Variants in MPDZ observed in about 807,000 individuals in gnomAD.
MPDZ encodes multiple PDZ domain protein.
A neutral mutation model predicts 239.1 loss-of-function variants in MPDZ; 234 were observed. That is an observed-to-expected ratio of 0.98 (90% CI 0.88 to 1.09). The LOEUF (loss-of-function observed/expected upper bound fraction) is 1.09, where lower values mean the gene tolerates loss of function less well. Among genes scored for constraint, MPDZ ranks in the 50% least tolerant of loss-of-function variants. MPDZ has a pLI of 0.00. For missense variants in MPDZ, 3,175 were observed against 2,510.0 expected (o/e 1.26, Z -5.66); for synonymous variants, 1,048 against 881.3 (o/e 1.19, Z -3.35).
intron 39 of MPDZ, among the ~76,000 whole-genome samples, chr9:13,115,717 G>C (rs1157305469): frequency 6.6e-6 from 1 of 151,974 alleles, no homozygotes; most frequent in Non-Finnish European, 1.5e-5. Flanking sequence ...AGGCCGAGGC[G>C]GGTGGATCAC....
chr9:13,122,271 A>C (rs1284670145), intron 36 of MPDZ, 101 bp from the exon 37 acceptor site: 19 of 1,036,146 alleles, frequency 1.8e-5, no homozygotes, highest in African/African-American at 3.2e-5. Context: ...GACAGCAATA[A>C]GGGTTATAAA....
At chr9:13,211,436 G>A (rs913925389) in intron 10 of MPDZ, among the ~76,000 whole-genome samples, 3 of 151,972 alleles carry the variant, frequency 2.0e-5, no homozygotes, top group East Asian at 1.9e-4. Context: ...TAGAAAGTCC[G>A]CTAAAACATT....
rs755680310 is a variant in MPDZ at position 13,247,712 on chromosome 9, G to A, written c.106C>T (p.Leu36=). 3.1e-6 allele frequency: 5 copies of A among 1,613,536 alleles called. No individual in the cohort carries two copies. In the African/African-American group the frequency reaches 5.3e-5, roughly 17 times the overall value. Residue 36 remains leucine, a synonymous_variant, in exon 3 of 47, where the codon CTG becomes TTG. Coordinates refer to ENST00000319217, the MANE Select transcript of MPDZ (RefSeq NM_001378778.1). ...AGAGGGCTCTGCAGGACTGACTTCAGAAGGCTCAGTTTGTCTTCATTTGCT... is the reference window on the plus strand; with the variant it reads ...AGAGGGCTCTGCAGGACTGACTTCAAAAGGCTCAGTTTGTCTTCATTTGCT... ...DVANEDKLSL[L]KSVLQSPLFS...
At chr9:13,134,375 T>A (rs1946439278) in intron 31 of MPDZ, 1 of 152,214 alleles carries the variant, frequency 6.6e-6, no homozygotes, top group Non-Finnish European at 1.5e-5. Flanking sequence ...ACATATTTAG[T>A]ACAACTAATA....
At chr9:13,254,601 G>C (rs1259361880) in intron 1 of MPDZ, among the ~76,000 whole-genome samples, 3 of 152,158 alleles carry the variant, frequency 2.0e-5, no homozygotes, top group Non-Finnish European at 4.4e-5. Context: ...AAGCATATCT[G>C]AGATATTGCA....
At position 13,113,257 on chromosome 9, in the gene MPDZ, C is replaced by T. The variant is rs956483620; in HGVS notation, c.5558-203G>A. 9.2e-5 allele frequency among the ~76,000 whole-genome samples: 14 copies of T among 152,058 alleles called. No homozygotes were observed. In the South Asian group the frequency reaches 2.7e-3, roughly 29 times the overall value. On this transcript the variant is annotated intron_variant, in intron 41 of 46. Transcript: ENST00000319217. ...CCAGTTGGAAAAACGTGTATACCATCCCATTCTTCCTTCTCATTTTAAGTG... is the reference window on the plus strand; with the variant it reads ...CCAGTTGGAAAAACGTGTATACCATTCCATTCTTCCTTCTCATTTTAAGTG...
At position 13,262,254 on chromosome 9, in the gene MPDZ, G is replaced by A. The variant is rs544482326; in HGVS notation, c.-57-11882C>T. ...AAGACTGGTGGATCGCTTGAGCCCA[G>A]TAGTTTGAGACCACCCTGGGCAACA... On this transcript the variant is annotated intron_variant, in intron 1 of 46. Transcript: ENST00000319217. Among the ~76,000 whole-genome samples, 108 of 151,938 alleles carry A rather than the reference G, an allele frequency of 7.1e-4. 1 individual carries two copies. The highest frequency in any genetic ancestry group is 1.0e-3 in the South Asian group (5 of 4,810).
rs770655100 is a variant in MPDZ, at chr9:13,136,047, C to G, written c.4383+45G>C. On this transcript the variant is annotated intron_variant, in intron 31 of 46. Coordinates refer to ENST00000319217, the MANE Select transcript of MPDZ (RefSeq NM_001378778.1). The stretch of plus-strand genomic sequence containing the variant: ...TTGTTGATTGAATTAATAAGGCTCA[C>G]ATCAATCAAGTCTTCCCAGAGAAAC... 6 of 1,251,202 alleles carry G rather than the reference C, an allele frequency of 4.8e-6. No homozygotes were observed. In the Admixed American group the frequency reaches 1.1e-4, roughly 23 times the overall value. The allele number at this position is 1,251,202 out of a possible 1,614,324, so 77.5% of individuals were successfully genotyped here.
chr9:13,229,041 T>C (rs1961558043), intron 3 of MPDZ, among the ~76,000 whole-genome samples: 1 of 152,098 alleles, frequency 6.6e-6, no homozygotes, highest in Non-Finnish European at 1.5e-5. Context: ...AGTTCCTCAT[T>C]TGCAGGTGTG....
At chr9:13,226,463 T>C (rs1454863371) in intron 3 of MPDZ, among the ~76,000 whole-genome samples, 1 of 152,106 alleles carries the variant, frequency 6.6e-6, no homozygotes, top group East Asian at 1.9e-4. Flanking sequence ...CCTCACCCAC[T>C]TAGCCCTAGC....
At chr9:13,207,698 T>G (rs1356533431) in intron 10 of MPDZ, among the ~76,000 whole-genome samples, 1 of 152,230 alleles carries the variant, frequency 6.6e-6, no homozygotes, top group Non-Finnish European at 1.5e-5. Context: ...TTACATTTTC[T>G]GCTATTATGC....
intron 10 of MPDZ, among the ~76,000 whole-genome samples, chr9:13,213,223 G>A (rs1564044999): frequency 6.6e-6 from 1 of 152,034 alleles, no homozygotes; most frequent in Non-Finnish European, 1.5e-5. Flanking sequence ...CATATGAAAT[G>A]GGAAAAATGG....
intron 19 of MPDZ, among the ~76,000 whole-genome samples, chr9:13,178,883 A>G (rs1244112564): frequency 6.6e-6 from 1 of 152,216 alleles, no homozygotes; most frequent in African/African-American, 2.4e-5. Flanking sequence ...ATATTACTTA[A>G]TAAGTCCTTC....
chr9:13,266,265 A>G (rs73408258), intron 1 of MPDZ, among the ~76,000 whole-genome samples: 6 of 152,298 alleles, frequency 3.9e-5, no homozygotes, highest in African/African-American at 1.4e-4. Flanking sequence ...CAAATTTCTC[A>G]TCGGAAGTCC....
chr9:13,160,955 T>A (rs1950413647), intron 23 of MPDZ, among the ~76,000 whole-genome samples: 1 of 147,608 alleles, frequency 6.8e-6, no homozygotes, highest in Non-Finnish European at 1.5e-5. Flanking sequence ...AGAATGTGCA[T>A]AGGTTATGTG....
At chr9:13,169,826 T>C (rs955234924) in intron 21 of MPDZ, among the ~76,000 whole-genome samples, 1 of 152,170 alleles carries the variant, frequency 6.6e-6, no homozygotes, top group Non-Finnish European at 1.5e-5. Flanking sequence ...GTTCCCTAAG[T>C]TCTAGCCACA....
At chr9:13,126,827 C>T in intron 32 of MPDZ, 55 bp from the exon 33 acceptor site, 1 of 1,408,762 alleles carries the variant, frequency 7.1e-7, no homozygotes, top group Non-Finnish European at 1.0e-6. Context: ...TAATTTTATC[C>T]AAATGGATAC....
chr9:13,169,316 AT>A (rs1402767809), intron 21 of MPDZ, among the ~76,000 whole-genome samples: 1 of 151,928 alleles, frequency 6.6e-6, no homozygotes, highest in Non-Finnish European at 1.5e-5. Context: ...TGAACCTGCA[AT>A]TTTTCACCTC....
At chr9:13,273,270 T>G (rs1973428719) in intron 1 of MPDZ, among the ~76,000 whole-genome samples, 1 of 152,222 alleles carries the variant, frequency 6.6e-6, no homozygotes, top group Non-Finnish European at 1.5e-5. Context: ...TAAGAGAAAC[T>G]GGACATATCT....
Sources: gnomAD v4.1 joint callset for allele counts (sites outside exome capture counted in the v4.1 genomes callset) on GRCh38, gnomAD v4.1.1 for gene constraint, MANE v1.5 for transcripts, NCBI Gene and HGNC (gene_info 2026-07-23, HGNC 2026-07-21) for gene names.